Variants in LMBRD1 observed in about 807,000 individuals in gnomAD.
LMBRD1 encodes the protein lysosomal cobalamin transport escort protein LMBD1.
A neutral mutation model predicts 74.8 loss-of-function variants in LMBRD1; 64 were observed. The observed-to-expected ratio is 0.86, with a 90% CI of 0.70 to 1.05. The LOEUF is 1.05. Ranked by LOEUF, LMBRD1 falls within the 50% of genes least tolerant of loss-of-function variation. The pLI is 0.00. For synonymous variants in LMBRD1, 204 were observed against 216.3 expected (o/e 0.94, Z 0.50); for missense variants, 652 against 645.9 (o/e 1.01, Z -0.10).
intron 2 of LMBRD1, among the ~76,000 whole-genome samples, chr6:69,786,389 A>G (rs888545113): frequency 6.6e-6 from 1 of 152,116 alleles, no homozygotes; most frequent in Non-Finnish European, 1.5e-5. Context: ...ACACCAAAAC[A>G]TTAAATGTTT....
At chr6:69,732,207 C>T (rs898032357) in intron 7 of LMBRD1, among the ~76,000 whole-genome samples, 1 of 152,022 alleles carries the variant, frequency 6.6e-6, no homozygotes, top group African/African-American at 2.4e-5. Flanking sequence ...CCCTAAAATT[C>T]GTATGTTGAA....
At chr6:69,748,702 A>AT (rs1268598333) in intron 5 of LMBRD1, among the ~76,000 whole-genome samples, 4 of 152,086 alleles carry the variant, frequency 2.6e-5, no homozygotes. Context: ...CTAATGACCT[A>AT]TTTTTAACAA....
At chr6:69,789,458 C>T (rs1276980795) in intron 2 of LMBRD1, among the ~76,000 whole-genome samples, 1 of 151,706 alleles carries the variant, frequency 6.6e-6, no homozygotes, top group Admixed American at 6.6e-5. Context: ...ACCCAGGAGG[C>T]GGAGGTTACA....
At chr6:69,684,810 A>T (rs774967286) in intron 14 of LMBRD1, among the ~76,000 whole-genome samples, 1 of 152,140 alleles carries the variant, frequency 6.6e-6, no homozygotes, top group East Asian at 1.9e-4. Context: ...GGTTCCCAGA[A>T]GGAAGTTTTC....
chr6:69,715,490 T>C lies in LMBRD1; in HGVS notation c.763-1693A>G, dbSNP rs1480487050. 2.0e-5 allele frequency among the ~76,000 whole-genome samples: 3 copies of C among 152,100 alleles called. No homozygotes were observed. In the East Asian group the frequency reaches 5.8e-4, roughly 29 times the overall value. ...AGATGTAAACTCAGCAGTGAACATC[T>C]ACCTCATTTGAAAGAAAAAATGTAG... is the stretch of plus-strand genomic sequence containing the variant. On this transcript the variant is annotated intron_variant, in intron 8 of 15. Coordinates refer to ENST00000649934, the MANE Select transcript of LMBRD1 (RefSeq NM_018368.4).
chr6:69,777,681 C>CAA (rs71750044), intron 3 of LMBRD1, among the ~76,000 whole-genome samples: 105 of 140,476 alleles, frequency 7.5e-4, no homozygotes, highest in East Asian at 2.2e-3. Flanking sequence ...GTAGAAAATA[C>CAA]AAAAAAAAAA....
At chr6:69,742,337 T>C (rs1166022706) in intron 5 of LMBRD1, among the ~76,000 whole-genome samples, 3 of 152,154 alleles carry the variant, frequency 2.0e-5, no homozygotes, top group Non-Finnish European at 4.4e-5. Context: ...TCGGGAGTGA[T>C]TATTACTTTC....
rs751475469 is a variant in LMBRD1 at position 69,713,632 on chromosome 6, A to C, written c.915+13T>G. 1.2e-6 allele frequency: 2 copies of C among 1,613,078 alleles called. No individual in the cohort carries two copies. The highest frequency in any genetic ancestry group is 1.7e-5 in the Admixed American group (1 of 59,902). Reference sequence around the variant, plus strand: ...GGAAGAGTGACAGCATAATTTTTAAAAACTTCATTTACCTTCAGGGGACGC... The same window carrying C: ...GGAAGAGTGACAGCATAATTTTTAACAACTTCATTTACCTTCAGGGGACGC... On this transcript the variant is annotated intron_variant, in intron 9 of 15. Coordinates refer to ENST00000649934, the MANE Select transcript of LMBRD1 (RefSeq NM_018368.4).
chr6:69,686,696 T>C (rs1765771575), intron 14 of LMBRD1, among the ~76,000 whole-genome samples: 1 of 152,304 alleles, frequency 6.6e-6, no homozygotes, highest in East Asian at 1.9e-4. Context: ...TGACCACTTT[T>C]TGCCACTGCC....
intron 3 of LMBRD1, among the ~76,000 whole-genome samples, chr6:69,770,071 C>T (rs1765547765): frequency 6.6e-6 from 1 of 152,172 alleles, no homozygotes; most frequent in African/African-American, 2.4e-5. Context: ...CTCCAATACA[C>T]ATGTATGCAG....
intron 3 of LMBRD1, among the ~76,000 whole-genome samples, chr6:69,760,092 A>G (rs1024271552): frequency 6.6e-6 from 1 of 152,182 alleles, no homozygotes; most frequent in African/African-American, 2.4e-5. Flanking sequence ...GCTTGTCATT[A>G]TCTACCATAC....
chr6:69,701,588 A>C (rs779824573), intron 10 of LMBRD1, 43 bp from the exon 11 acceptor site: 4 of 1,199,906 alleles, frequency 3.3e-6, no homozygotes, highest in East Asian at 2.5e-5. Flanking sequence ...TATACTATCA[A>C]ATTTTCAGCA....
chr6:69,780,378 T>G, intron 3 of LMBRD1, 116 bp downstream of exon 3: 1 of 763,550 alleles, frequency 1.3e-6, no homozygotes, highest in Non-Finnish European at 2.4e-6. Flanking sequence ...TGTGTGTCCA[T>G]GTCATTTTTT....
intron 3 of LMBRD1, among the ~76,000 whole-genome samples, chr6:69,753,272 T>C (rs1278358986): frequency 6.6e-6 from 1 of 152,228 alleles, no homozygotes; most frequent in Non-Finnish European, 1.5e-5. Context: ...AAAATCTGTA[T>C]ATTCACATTC....
At chr6:69,698,313 G>A (rs551634797) in intron 13 of LMBRD1, among the ~76,000 whole-genome samples, 1 of 152,064 alleles carries the variant, frequency 6.6e-6, no homozygotes, top group Admixed American at 6.6e-5. Flanking sequence ...AAGAATGAAG[G>A]AAGAACAGGA....
At chr6:69,780,974 T>C (rs928616180) in intron 2 of LMBRD1, among the ~76,000 whole-genome samples, 1 of 151,936 alleles carries the variant, frequency 6.6e-6, no homozygotes, top group Non-Finnish European at 1.5e-5. Flanking sequence ...AGAAACCAGG[T>C]GGAGAGAGGG....
At chr6:69,685,085 C>T (rs376977910) in intron 14 of LMBRD1, among the ~76,000 whole-genome samples, 28 of 151,434 alleles carry the variant, frequency 1.8e-4, no homozygotes, top group Admixed American at 3.3e-4. Flanking sequence ...AATAAGGTAA[C>T]GTTATAAAAA....
At chr6:69,746,786 G>A (rs10498869) in intron 5 of LMBRD1, 10,815 of 170,136 alleles carry the variant, frequency 0.064, 501 homozygotes, top group Admixed American at 0.083. Flanking sequence ...TTTCTGATAC[G>A]ACAATGAATT....
intron 3 of LMBRD1, 86 bp from the exon 4 acceptor site, chr6:69,752,442 T>A: frequency 9.0e-7 from 1 of 1,107,418 alleles, no homozygotes; most frequent in Non-Finnish European, 1.3e-6. Flanking sequence ...TATATTCACT[T>A]AACAAATTCA....
Sources: allele counts gnomAD v4.1 joint callset (sites outside exome capture counted in the v4.1 genomes callset), GRCh38; gene constraint gnomAD v4.1.1; transcripts MANE v1.5; gene names NCBI Gene and HGNC (gene_info 2026-07-23, HGNC 2026-07-21).